Variants in TFB2M observed in about 807,000 individuals in gnomAD.
TFB2M encodes dimethyladenosine transferase 2, mitochondrial.
A neutral mutation model predicts 41.3 loss-of-function variants in TFB2M; 44 were observed. That is an observed-to-expected ratio of 1.07 (90% confidence interval 0.84 to 1.37). The LOEUF (loss-of-function observed/expected upper bound fraction) is 1.37. Among genes scored for constraint, TFB2M ranks in the 40% most tolerant of loss-of-function variants. The pLI, the probability that TFB2M is intolerant of heterozygous loss-of-function variation, is 0.00. For synonymous variants in TFB2M, 188 were observed against 176.8 expected, an observed-to-expected ratio of 1.06 and a Z score of -0.50; for missense variants, 496 against 490.2, an observed-to-expected ratio of 1.01 and a Z score of -0.11.
In TFB2M at chr1:246,546,985, T is replaced by C. The variant is rs866213277; in HGVS notation, c.858+1560A>G. 1.7e-3 allele frequency among the ~76,000 whole-genome samples: 112 copies of C among 64,606 alleles called. 2 individuals are homozygous for C. Among genetic ancestry groups the C allele is most frequent in the Non-Finnish European group, 2.2e-3 (69 of 31,116 alleles). The allele number at this position is 64,606 out of a possible 152,430, so 42.4% of individuals were successfully genotyped here. A position where few individuals can be genotyped will look rare whatever the true frequency, so the allele number is the denominator to read the frequency against. On this transcript the variant is annotated intron_variant, in intron 6 of 7. Coordinates refer to ENST00000366514, the MANE Select transcript of TFB2M (RefSeq NM_022366.3). ...TATATATACACACACACACACACAT[T>C]TTTTTTTTTTTTTTTTGAGACAAAG...
At chr1:246,560,786 T>C (rs1347701886) in intron 2 of TFB2M, among the ~76,000 whole-genome samples, 1 of 152,222 alleles carries the variant, frequency 6.6e-6, no homozygotes, top group African/African-American at 2.4e-5. Flanking sequence ...GAGTTTTTAC[T>C]AGTCATTAAG....
chr1:246,560,567 C>T (rs2341681), intron 2 of TFB2M, among the ~76,000 whole-genome samples: 152,377 of 152,378 alleles, frequency 1, 76,188 homozygotes, highest in Non-Finnish European at 1. Flanking sequence ...ACTTTATGGC[C>T]TCAATACACT....
chr1:246,555,716 T>C (rs1558512912), intron 4 of TFB2M, among the ~76,000 whole-genome samples: 1 of 152,212 alleles, frequency 6.6e-6, no homozygotes, highest in Non-Finnish European at 1.5e-5. Context: ...CATTGCAGCA[T>C]TATTCCCAAC....
intron 6 of TFB2M, among the ~76,000 whole-genome samples, chr1:246,546,498 C>T (rs1659022279): frequency 6.6e-6 from 1 of 150,926 alleles, no homozygotes; most frequent in Non-Finnish European, 1.5e-5. Flanking sequence ...GCCTGTAATC[C>T]CAGCATTCGG....
At chr1:246,549,480 G>A (rs1393417042) in intron 5 of TFB2M, among the ~76,000 whole-genome samples, 1 of 152,146 alleles carries the variant, frequency 6.6e-6, no homozygotes, top group East Asian at 1.9e-4. Context: ...TCTTTGGGAG[G>A]CTGAGGCGGG....
At chr1:246,549,375 G>T (rs180926721) in intron 5 of TFB2M, among the ~76,000 whole-genome samples, 1 of 151,984 alleles carries the variant, frequency 6.6e-6, no homozygotes, top group Non-Finnish European at 1.5e-5. Flanking sequence ...TGAGCTCAGG[G>T]GTTCAAGGCC....
rs756170286 is a variant in TFB2M at position 246,556,587 on chromosome 1, C to A, written c.691G>T (p.Glu231Ter). The A allele has an allele frequency of 2.0e-6, 3 of 1,506,396 alleles. No homozygotes were observed. Among genetic ancestry groups the A allele is most frequent in the African/African-American group, 1.4e-5 (1 of 70,004 alleles). 93.3% of individuals were successfully genotyped at this position (1,506,396 alleles called of 1,614,324 possible). Residue 231 changes from glutamate (E) to a stop codon, truncating the protein, a stop_gained, in exon 4 of 8, where the codon GAA becomes TAA. Coordinates refer to ENST00000366514, the MANE Select transcript of TFB2M (RefSeq NM_022366.3). LOFTEE classifies it high-confidence loss of function. ...TAATAACATACCTGGAATTCTTTTTCACCAATAAACATATTTACTTCTATT... is the reference window on the plus strand; with the variant it reads ...TAATAACATACCTGGAATTCTTTTTAACCAATAAACATATTTACTTCTATT... ...GRIEVNMFIG[E>*]KEFQKLMADP...
At chr1:246,553,464 G>C (rs1378337701) in intron 4 of TFB2M, among the ~76,000 whole-genome samples, 1 of 152,190 alleles carries the variant, frequency 6.6e-6, no homozygotes, top group Non-Finnish European at 1.5e-5. Flanking sequence ...GAACCCAGAA[G>C]TTCAAGACCA....
intron 1 of TFB2M, among the ~76,000 whole-genome samples, chr1:246,564,949 G>C (rs1467703770): frequency 1.3e-5 from 2 of 152,202 alleles, no homozygotes; most frequent in South Asian, 2.1e-4. Flanking sequence ...GAAAGTGCTG[G>C]ATTACAGGCG....
At chr1:246,544,844 C>T (rs907711861) in intron 6 of TFB2M, among the ~76,000 whole-genome samples, 163 bp from the exon 7 acceptor site, 9 of 152,168 alleles carry the variant, frequency 5.9e-5, no homozygotes, top group East Asian at 5.8e-4. Context: ...CTCACTCTGT[C>T]GCCCAGGCTG....
At chr1:246,544,863 C>T (rs7527607) in intron 6 of TFB2M, among the ~76,000 whole-genome samples, 182 bp from the exon 7 acceptor site, 119,503 of 152,040 alleles carry the variant, frequency 0.79, 47,615 homozygotes, top group East Asian at 1. Context: ...TGGAGTACAA[C>T]GGCGTGATCT....
chr1:246,545,714 C>T (rs1361217877), intron 6 of TFB2M, among the ~76,000 whole-genome samples: 1 of 145,718 alleles, frequency 6.9e-6, no homozygotes, highest in Non-Finnish European at 1.5e-5. Flanking sequence ...TTAGGAGGCT[C>T]AGATGGGAGG....
chr1:246,566,043 C>T lies in TFB2M; in HGVS notation c.96G>A (p.Thr32=), dbSNP rs756307903. ...RFCILGSEAA[T]RKHLPARNHC... is the part of the protein sequence containing the mutation. ...GGTTCCTCGCCGGCAAATGCTTTCGCGTCGCCGCTTCAGACCCTAAAATGC... is the reference window on the plus strand; with the variant it reads ...GGTTCCTCGCCGGCAAATGCTTTCGTGTCGCCGCTTCAGACCCTAAAATGC... Residue 32 remains threonine (T), a synonymous_variant, in exon 1 of 8, where the codon ACG becomes ACA. Coordinates refer to ENST00000366514, the MANE Select transcript of TFB2M (RefSeq NM_022366.3). The T allele has an allele frequency of 3.1e-6, 5 of 1,614,178 alleles. No individual in the cohort carries two copies. The highest frequency in any genetic ancestry group is 1.7e-5 in the Admixed American group (1 of 60,022).
chr1:246,551,390 G>A (rs1237369468), intron 4 of TFB2M, 88 bp from the exon 5 acceptor site: 3 of 909,612 alleles, frequency 3.3e-6, no homozygotes, highest in African/African-American at 3.3e-5. Context: ...CTATCTTAAT[G>A]GCATCTAGAC....
chr1:246,565,788 G>A, intron 1 of TFB2M, 38 bp downstream of exon 1: 5 of 1,578,402 alleles, frequency 3.2e-6, no homozygotes, highest in Non-Finnish European at 4.3e-6. Context: ...TTGAATAAAT[G>A]ATGAACATCC....
intron 1 of TFB2M, among the ~76,000 whole-genome samples, chr1:246,565,177 T>C (rs984594483): frequency 2.0e-5 from 3 of 152,262 alleles, no homozygotes; most frequent in Non-Finnish European, 2.9e-5. Flanking sequence ...AAAAAGCCTA[T>C]AAATCTTGTG....
At chr1:246,544,229 G>A (rs1228262717) in intron 7 of TFB2M, among the ~76,000 whole-genome samples, 15 of 152,190 alleles carry the variant, frequency 9.9e-5, no homozygotes, top group Non-Finnish European at 1.9e-4. Flanking sequence ...CCCACTAGTG[G>A]TAGGCAGCTA....
At chr1:246,542,591 T>C (rs1158735053) in intron 7 of TFB2M, among the ~76,000 whole-genome samples, 1 of 152,104 alleles carries the variant, frequency 6.6e-6, no homozygotes, top group Non-Finnish European at 1.5e-5. Flanking sequence ...CAGGATCACT[T>C]GAGCAAGGGG....
intron 2 of TFB2M, among the ~76,000 whole-genome samples, chr1:246,558,671 G>A (rs1307674586): frequency 6.6e-6 from 1 of 152,212 alleles, no homozygotes; most frequent in Non-Finnish European, 1.5e-5. Context: ...AAGGCAGATG[G>A]ATTCAAGAGA....
Sources: gnomAD v4.1 joint callset for allele counts (sites outside exome capture counted in the v4.1 genomes callset) on GRCh38, gnomAD v4.1.1 for gene constraint, MANE v1.5 for transcripts, NCBI Gene and HGNC (gene_info 2026-07-23, HGNC 2026-07-21) for gene names.